RNF170: variants seen among roughly 807,000 people sequenced by gnomAD.
RNF170 encodes the protein ring finger protein 170.
A neutral mutation model predicts 32.7 loss-of-function variants in RNF170; 12 were observed. That is an observed-to-expected ratio of 0.37 (90% confidence interval 0.24 to 0.60). The LOEUF is 0.60. RNF170 is among the 20% of genes least tolerant of loss of function. The pLI is 0.72. For synonymous variants in RNF170, 91 were observed against 103.6 expected, an observed-to-expected ratio of 0.88 and a Z score of 0.74; for missense variants, 212 against 311.2, an observed-to-expected ratio of 0.68 and a Z score of 2.40.
At chr8:42,876,905 T>C (rs191666087) in intron 2 of RNF170, among the ~76,000 whole-genome samples, 59 of 151,930 alleles carry the variant, frequency 3.9e-4, no homozygotes, top group Non-Finnish European at 7.4e-4. Flanking sequence ...TCTGCCCGCC[T>C]TGGACTCCCA....
At chr8:42,863,016 T>C (rs1803773843) in intron 5 of RNF170, among the ~76,000 whole-genome samples, 1 of 152,062 alleles carries the variant, frequency 6.6e-6, no homozygotes, top group African/African-American at 2.4e-5. Context: ...CTGGAAATGG[T>C]GGTAGGACTG....
chr8:42,888,475 T>C (rs1351657690), intron 1 of RNF170, among the ~76,000 whole-genome samples: 3 of 151,844 alleles, frequency 2.0e-5, no homozygotes, highest in Non-Finnish European at 2.9e-5. Context: ...AAAAAAGCCA[T>C]TCTTGGGCCA....
intron 2 of RNF170, among the ~76,000 whole-genome samples, chr8:42,885,735 T>C (rs532616660): frequency 6.6e-6 from 1 of 152,294 alleles, no homozygotes; most frequent in South Asian, 2.1e-4. Context: ...GATGTCTATA[T>C]AGGTCCTTTG....
At chr8:42,870,268 T>C (rs1307560444) in intron 3 of RNF170, among the ~76,000 whole-genome samples, 156 bp from the exon 4 acceptor site, 1 of 152,238 alleles carries the variant, frequency 6.6e-6, no homozygotes, top group Non-Finnish European at 1.5e-5. Flanking sequence ...AAGAATGTTA[T>C]GAGGCTATAT....
intron 2 of RNF170, among the ~76,000 whole-genome samples, chr8:42,882,056 T>C (rs939694383): frequency 1.3e-5 from 2 of 152,102 alleles, no homozygotes; most frequent in African/African-American, 2.4e-5. Context: ...TTCATACCTA[T>C]TATGGATAGT....
rs564224009 is a variant in RNF170 at position 42,854,240 on chromosome 8, C to A, written c.*1919G>T. 1 of 1,287,198 alleles carries A rather than the reference C, an allele frequency of 7.8e-7. No individual in the cohort carries two copies. Among genetic ancestry groups the A allele is most frequent in the South Asian group, 1.2e-5 (1 of 80,938 alleles). 79.7% of individuals were successfully genotyped at this position (1,287,198 alleles called of 1,614,324 possible). The stretch of plus-strand genomic sequence containing the variant: ...ACTCTGATGGAGGTATAATGTAGCA[C>A]GAAAGACTTCCAAAGAACCAGTTTC... On this transcript the variant is annotated 3_prime_UTR_variant, in exon 7 of 7. Coordinates refer to ENST00000527424, the MANE Select transcript of RNF170 (RefSeq NM_030954.4).
intron 3 of RNF170, among the ~76,000 whole-genome samples, chr8:42,872,258 AG>A (rs2128936306): frequency 6.6e-6 from 1 of 152,358 alleles, no homozygotes; most frequent in Admixed American, 6.5e-5. Flanking sequence ...TGAAATTGCT[AG>A]TGTGAGTGTT....
At chr8:42,876,317 A>G (rs1804928905) in intron 2 of RNF170, among the ~76,000 whole-genome samples, 1 of 152,038 alleles carries the variant, frequency 6.6e-6, no homozygotes, top group African/African-American at 2.4e-5. Flanking sequence ...CCAAACAACA[A>G]GAACAAATAG....
chr8:42,852,525 C>G (rs1267353042), downstream of RNF170, among the ~76,000 whole-genome samples: 2 of 152,054 alleles, frequency 1.3e-5, no homozygotes, highest in Non-Finnish European at 2.9e-5. Flanking sequence ...TCAAGCGATT[C>G]TCCTGTCTCA....
Position 42,853,492 on chromosome 8 carries a change from A to G in RNF170, c.*2667T>C. ...ACTGAGAATTGTAGTAGTTGAAACC[A>G]CTGTTCTAGTGGGCAGTTAGAACAG... On this transcript the variant is annotated 3_prime_UTR_variant, in exon 7 of 7. Transcript: ENST00000527424. 1 of 1,287,076 alleles carries G rather than the reference A, an allele frequency of 7.8e-7. No homozygotes were observed. The highest frequency in any genetic ancestry group is 1.0e-6 in the Non-Finnish European group (1 of 988,652). The allele number at this position is 1,287,076 out of a possible 1,614,324, so 79.7% of individuals were successfully genotyped here. A position where few individuals can be genotyped will look rare whatever the true frequency, so the allele number is the denominator to read the frequency against.
chr8:42,881,958 T>C (rs539473819), intron 2 of RNF170, among the ~76,000 whole-genome samples: 4 of 152,188 alleles, frequency 2.6e-5, no homozygotes, highest in African/African-American at 9.6e-5. Flanking sequence ...AAAAACCAGA[T>C]AGACGAATGG....
intron 2 of RNF170, among the ~76,000 whole-genome samples, chr8:42,876,978 G>C (rs1432453440): frequency 1.6e-5 from 2 of 122,650 alleles, no homozygotes; most frequent in Non-Finnish European, 3.3e-5. Context: ...TTTTGAGACA[G>C]AGTCTTGTTC....
Position 42,896,593 on chromosome 8 carries a change from T to C in RNF170, c.-117A>G, listed in dbSNP as rs1197203830. 2.2e-6 allele frequency: 1 copy of C among 453,708 alleles called. No homozygotes were observed. The highest frequency in any genetic ancestry group is 4.4e-6 in the Non-Finnish European group (1 of 226,658). The allele number at this position is 453,708 out of a possible 1,614,324, so 28.1% of individuals were successfully genotyped here. On this transcript the variant is annotated 5_prime_UTR_variant, in exon 1 of 7. Transcript: ENST00000527424. Reference sequence around the variant, plus strand: ...GGCAACCCACTAGACGTCCCCTTTCTAATTTGGAGTGCGGGTGCGGGCGCA... The same window carrying C: ...GGCAACCCACTAGACGTCCCCTTTCCAATTTGGAGTGCGGGTGCGGGCGCA...
At chr8:42,883,252 A>T (rs1407328487) in intron 2 of RNF170, among the ~76,000 whole-genome samples, 1 of 152,152 alleles carries the variant, frequency 6.6e-6, no homozygotes, top group Non-Finnish European at 1.5e-5. Context: ...ATTACGCAAC[A>T]TACCCATGTA....
At chr8:42,864,808 T>TC (rs397713815) in intron 5 of RNF170, among the ~76,000 whole-genome samples, 3 of 151,186 alleles carry the variant, frequency 2.0e-5, no homozygotes, top group Non-Finnish European at 4.4e-5. Flanking sequence ...AAATTTTTTT[T>TC]CAAAACAAGT....
chr8:42,857,731 T>C (rs773739800), intron 6 of RNF170, among the ~76,000 whole-genome samples: 20 of 152,162 alleles, frequency 1.3e-4, no homozygotes, highest in Non-Finnish European at 2.5e-4. Flanking sequence ...ATTTTAAAAA[T>C]AATGAAGGAA....
chr8:42,857,808 C>T (rs970896778), intron 6 of RNF170, among the ~76,000 whole-genome samples: 1 of 152,086 alleles, frequency 6.6e-6, no homozygotes, highest in African/African-American at 2.4e-5. Flanking sequence ...CCAAGGTGAG[C>T]AGATCGCTTG....
rs72644045 is a variant in RNF170, at chr8:42,873,514, G to A, written c.213+417C>T. Among the ~76,000 whole-genome samples, 1,481 of 151,510 alleles carry A rather than the reference G, an allele frequency of 9.8e-3. 15 individuals are homozygous for A. The highest frequency in any genetic ancestry group is 0.022 in the South Asian group (104 of 4,828). ...TTTTTCTCTTTGCCTAACTAGTTTT[G>A]TTGTTATAACTTTGACAACTGAAGA... On this transcript the variant is annotated intron_variant, in intron 3 of 6. Transcript: ENST00000527424.
At chr8:42,859,950 A>C (rs1443874229) in intron 6 of RNF170, among the ~76,000 whole-genome samples, 1 of 152,110 alleles carries the variant, frequency 6.6e-6, no homozygotes, top group Admixed American at 6.6e-5. Flanking sequence ...GTGCCCAGCC[A>C]GCAAGAATAT....
Sources: allele counts gnomAD v4.1 joint callset (sites outside exome capture counted in the v4.1 genomes callset), GRCh38; gene constraint gnomAD v4.1.1; transcripts MANE v1.5; gene names NCBI Gene and HGNC (gene_info 2026-07-23, HGNC 2026-07-21).